Variants in USP10 observed in about 807,000 individuals in gnomAD.
USP10 encodes the protein ubiquitin specific peptidase 10, also known as ubiquitin carboxyl-terminal hydrolase 10.
USP10 carries 22 observed loss-of-function variants against 84.5 expected under a neutral mutation model. That is an observed-to-expected ratio of 0.26 (90% confidence interval 0.19 to 0.37). The LOEUF (loss-of-function observed/expected upper bound fraction) is 0.37. USP10 is among the 10% of genes least tolerant of loss of function. USP10 has a pLI of 1.00. For synonymous variants in USP10, 454 were observed against 387.6 expected (o/e 1.17, Z -2.01); for missense variants, 1,019 against 998.9 (o/e 1.02, Z -0.27).
chr16:84,700,013 C>T lies in USP10; in HGVS notation c.-78C>T, dbSNP rs1904622408. On this transcript the variant is annotated 5_prime_UTR_variant, in exon 1 of 14. Coordinates refer to ENST00000219473, the MANE Select transcript of USP10 (RefSeq NM_005153.3). ...GGCGGCCGATGCGAGTGTGTATGTG[C>T]GGGCGAGAAGATGGCGGCGGCGGGG... is the stretch of plus-strand genomic sequence containing the variant. 1.5e-6 allele frequency: 2 copies of T among 1,295,096 alleles called. No individual in the cohort carries two copies. Among genetic ancestry groups the T allele is most frequent in the South Asian group, 1.4e-5 (1 of 70,688 alleles). The allele number at this position is 1,295,096 out of a possible 1,614,324, so 80.2% of individuals were successfully genotyped here. A position where few individuals can be genotyped will look rare whatever the true frequency, so the allele number is the denominator to read the frequency against.
chr16:84,749,867 G>A (rs16974535), intron 4 of USP10, among the ~76,000 whole-genome samples: 29,952 of 152,020 alleles, frequency 0.2, 3,575 homozygotes, highest in East Asian at 0.37. Context: ...CCATCTCCTC[G>A]GTGTAGGTTA....
At chr16:84,747,124 C>T (rs533514641) in intron 4 of USP10, among the ~76,000 whole-genome samples, 10 of 152,166 alleles carry the variant, frequency 6.6e-5, no homozygotes, top group Non-Finnish European at 1.0e-4. Context: ...TTACGCCGCG[C>T]GTGACTGTAC....
intron 1 of USP10, among the ~76,000 whole-genome samples, chr16:84,730,939 G>T: frequency 6.8e-6 from 1 of 147,830 alleles, no homozygotes; most frequent in African/African-American, 2.5e-5. Flanking sequence ...TTAGTCATAA[G>T]ATAAAATGGA....
At chr16:84,744,493 C>G in intron 3 of USP10, 140 bp from the exon 4 acceptor site, 1 of 698,866 alleles carries the variant, frequency 1.4e-6, no homozygotes, top group Non-Finnish European at 2.2e-6. Flanking sequence ...GCAAATTGTT[C>G]AGCGTAAGTA....
At chr16:84,774,491 G>T (rs1454234805) in intron 12 of USP10, among the ~76,000 whole-genome samples, 42 of 147,034 alleles carry the variant, frequency 2.9e-4, no homozygotes, top group African/African-American at 8.4e-4. Context: ...TTGTTTGTTT[G>T]TTTTTTTCTT....
At position 84,733,416 on chromosome 16, in the gene USP10, C is replaced by T. The variant is rs556407900; in HGVS notation, c.22-19C>T. ...TTTGTATATTTTATGTGATCAGTGACTCTCTTATTTTTTTTCAGTATATTT... is the reference window on the plus strand; with the variant it reads ...TTTGTATATTTTATGTGATCAGTGATTCTCTTATTTTTTTTCAGTATATTT... On this transcript the variant is annotated intron_variant, in intron 1 of 13. Coordinates refer to ENST00000219473, the MANE Select transcript of USP10 (RefSeq NM_005153.3). 2 of 1,556,478 alleles carry T rather than the reference C, an allele frequency of 1.3e-6. No homozygotes were observed. The highest frequency in any genetic ancestry group is 1.8e-6 in the Non-Finnish European group (2 of 1,136,564).
At chr16:84,756,193 C>G (rs1597374392) in intron 4 of USP10, among the ~76,000 whole-genome samples, 1 of 152,136 alleles carries the variant, frequency 6.6e-6, no homozygotes, top group Admixed American at 6.6e-5. Context: ...GCGAGCTTGC[C>G]TAGGGCAGGA....
At chr16:84,735,196 G>GATTGTGT (rs1555541026) in intron 2 of USP10, among the ~76,000 whole-genome samples, 1 of 146,264 alleles carries the variant, frequency 6.8e-6, no homozygotes, top group African/African-American at 2.5e-5. Flanking sequence ...AGGCCCGGGT[G>GATTGTGT]GTGTGTGTGT....
At chr16:84,737,966 C>T (rs185689904) in intron 2 of USP10, among the ~76,000 whole-genome samples, 4 of 152,338 alleles carry the variant, frequency 2.6e-5, no homozygotes, top group East Asian at 1.9e-4. Context: ...GTATTTTTCC[C>T]GATTGCTGGG....
At chr16:84,764,393 G>C in intron 10 of USP10, 130 bp downstream of exon 10, 1 of 1,260,140 alleles carries the variant, frequency 7.9e-7, no homozygotes, top group Non-Finnish European at 1.1e-6. Flanking sequence ...TCCCCTGCCT[G>C]CTCTTCTCTT....
intron 4 of USP10, among the ~76,000 whole-genome samples, chr16:84,753,134 T>C (rs993703108): frequency 6.6e-6 from 1 of 152,030 alleles, no homozygotes; most frequent in Non-Finnish European, 1.5e-5. Context: ...GTACAGCTAA[T>C]TTTTTTATTT....
At chr16:84,706,640 A>C (rs1174117349) in intron 1 of USP10, among the ~76,000 whole-genome samples, 3 of 151,656 alleles carry the variant, frequency 2.0e-5, no homozygotes, top group Non-Finnish European at 4.4e-5. Flanking sequence ...TCCCGGGTTC[A>C]CGCCATTCTC....
Position 84,764,105 on chromosome 16 carries a change from C to T in USP10, c.1674C>T (p.Gly558=), listed in dbSNP as rs1567643693. ...PSNEKLTISN[G]PKNHSVNEEE... ...TTTCAGAACTTACGATTTCCAACGG[C>T]CCCAAAAACCACTCGGTCAATGAAG... The change falls in exon 10 of 14, where the codon GGC becomes GGT. Residue 558 remains glycine (G), a synonymous_variant. Coordinates refer to ENST00000219473, the MANE Select transcript of USP10 (RefSeq NM_005153.3). 1 of 1,613,458 alleles carries T rather than the reference C, an allele frequency of 6.2e-7. No individual in the cohort carries two copies.
chr16:84,778,091 C>CGTGTGTGTGTGTGTGTGTG (rs1555551161), intron 13 of USP10, among the ~76,000 whole-genome samples: 21 of 143,534 alleles, frequency 1.5e-4, no homozygotes, highest in African/African-American at 5.4e-4. Context: ...AAGTAAATAA[C>CGTGTGTGTGTGTGTGTGTG]TGTGTGTGTG....
At chr16:84,705,354 C>G (rs1905345045) in intron 1 of USP10, among the ~76,000 whole-genome samples, 1 of 152,106 alleles carries the variant, frequency 6.6e-6, no homozygotes, top group African/African-American at 2.4e-5. Flanking sequence ...GCCTCAGCCT[C>G]CTGAGTAGCT....
intron 3 of USP10, among the ~76,000 whole-genome samples, chr16:84,741,531 C>T (rs1167778469): frequency 6.6e-6 from 1 of 152,260 alleles, no homozygotes; most frequent in African/African-American, 2.4e-5. Flanking sequence ...TCACCCTCCT[C>T]CCTGTGCAGT....
In USP10 at chr16:84,710,167, G is replaced by T. The variant is rs375262136; in HGVS notation, c.21+10056G>T. Among the ~76,000 whole-genome samples, 10 of 152,084 alleles carry T rather than the reference G, an allele frequency of 6.6e-5. 1 individual carries two copies. The highest frequency in any genetic ancestry group is 5.2e-4 in the Admixed American group (8 of 15,284). On this transcript the variant is annotated intron_variant, in intron 1 of 13. Transcript: ENST00000219473. The stretch of plus-strand genomic sequence containing the variant: ...TGTCTGTAATCCCAGCTACTTGAGA[G>T]GCTTAGGCAAGAGAATCGCTTGAAC...
intron 6 of USP10, 158 bp from the exon 7 acceptor site, chr16:84,759,733 C>A: frequency 1.3e-6 from 1 of 762,452 alleles, no homozygotes. Context: ...ACCAAAAATG[C>A]ATATAGAAGA....
At chr16:84,760,104 A>G in intron 7 of USP10, 68 bp from the exon 8 acceptor site, 1 of 1,536,404 alleles carries the variant, frequency 6.5e-7, no homozygotes, top group Non-Finnish European at 8.9e-7. Flanking sequence ...AGTTTTGATG[A>G]TGTTGCTTTT....
Sources: allele counts gnomAD v4.1 joint callset (sites outside exome capture counted in the v4.1 genomes callset), GRCh38; gene constraint gnomAD v4.1.1; transcripts MANE v1.5; gene names NCBI Gene and HGNC (gene_info 2026-07-23, HGNC 2026-07-21).